The following FOXO3 variants were observed in gnomAD, a reference collection of about 807,000 sequenced individuals.
FOXO3 encodes forkhead box O3.
FOXO3 carries 4 observed loss-of-function variants against 41.9 expected under a neutral mutation model. That is an observed-to-expected ratio of 0.10 (90% CI 0.05 to 0.22). The LOEUF (loss-of-function observed/expected upper bound fraction) is 0.22. Ranked by LOEUF, FOXO3 falls within the 10% of genes least tolerant of loss-of-function variation. The probability of loss-of-function intolerance (pLI) is 1.00; values close to 1 mark genes in which losing one functional copy is unlikely to be tolerated. For synonymous variants in FOXO3, 318 were observed against 389.3 expected (o/e 0.82, Z 2.16); for missense variants, 534 against 906.8 (o/e 0.59, Z 5.28).
At chr6:108,660,809 A>G (rs942913070) in intron 1 of FOXO3, among the ~76,000 whole-genome samples, 73 of 152,278 alleles carry the variant, frequency 4.8e-4, no homozygotes, top group African/African-American at 1.7e-3. Context: ...GATCGAGACC[A>G]TCCTGGCTAA....
intron 1 of FOXO3, among the ~76,000 whole-genome samples, chr6:108,616,218 G>A (rs1295706654): frequency 7.3e-6 from 1 of 137,686 alleles, no homozygotes; most frequent in Admixed American, 8.0e-5. Context: ...AGGCTTGAGT[G>A]CAGTGGCGCA....
chr6:108,681,809 A>G lies in FOXO3; in HGVS notation c.*2017A>G, dbSNP rs1200679407. 1.3e-5 allele frequency: 2 copies of G among 152,192 alleles called. No individual in the cohort carries two copies. The highest frequency in any genetic ancestry group is 4.8e-5 in the African/African-American group (2 of 41,420). The allele number at this position is 152,192 out of a possible 1,614,324, so 9.4% of individuals were successfully genotyped here. A position where few individuals can be genotyped will look rare whatever the true frequency, so the allele number is the denominator to read the frequency against. ...TATGGTCTGCTTGTCAGTGAGCCAG[A>G]CTTGCTTACTATATTCCTTTATAAT... On this transcript the variant is annotated 3_prime_UTR_variant, in exon 3 of 3. Coordinates refer to ENST00000406360, the MANE Select transcript of FOXO3 (RefSeq NM_001455.4).
intron 2 of FOXO3, among the ~76,000 whole-genome samples, chr6:108,668,716 G>A (rs1562266467): frequency 6.6e-6 from 1 of 152,180 alleles, no homozygotes; most frequent in African/African-American, 2.4e-5. Flanking sequence ...ATGGAGAGGG[G>A]AGGGGTGGTT....
intron 1 of FOXO3, chr6:108,639,672 A>C: frequency 1.8e-6 from 1 of 552,264 alleles, no homozygotes; most frequent in Non-Finnish European, 2.3e-6. Flanking sequence ...AATAAATAAA[A>C]TCCAGATACT....
upstream of FOXO3, chr6:108,559,953 G>C (rs886544997): frequency 1.3e-5 from 2 of 150,280 alleles, no homozygotes; most frequent in Non-Finnish European, 1.5e-5. Flanking sequence ...CCTCCTCGCC[G>C]TGCCCCGGGC....
chr6:108,639,265 A>G (rs1400668910), intron 1 of FOXO3, among the ~76,000 whole-genome samples: 1 of 152,180 alleles, frequency 6.6e-6, no homozygotes, highest in Non-Finnish European at 1.5e-5. Flanking sequence ...TATGCAAAGC[A>G]TAATCTCTTT....
At chr6:108,611,696 CTTTT>C (rs780238724) in intron 1 of FOXO3, among the ~76,000 whole-genome samples, 1 of 125,442 alleles carries the variant, frequency 8.0e-6, no homozygotes, top group Admixed American at 7.8e-5. Context: ...AATCTTTTGC[CTTTT>C]TTTTTTTTTT....
intron 2 of FOXO3, among the ~76,000 whole-genome samples, chr6:108,672,211 G>C (rs1424966760): frequency 6.6e-6 from 1 of 152,240 alleles, no homozygotes. Flanking sequence ...TCTTGGAGCA[G>C]AAAGACTGGC....
intron 1 of FOXO3, among the ~76,000 whole-genome samples, chr6:108,633,119 A>G (rs1045796931): frequency 6.6e-6 from 1 of 152,216 alleles, no homozygotes; most frequent in Admixed American, 6.5e-5. Flanking sequence ...GTTGACTGGT[A>G]TATTTTAGCA....
chr6:108,614,738 G>GT lies in FOXO3; in HGVS notation c.622-48710dup, dbSNP rs569448123. On this transcript the variant is annotated intron_variant, in intron 1 of 2. Coordinates refer to ENST00000406360, the MANE Select transcript of FOXO3 (RefSeq NM_001455.4). ...TTTTTTTTTGTTTTTTATTTTTTGC[G>GT]TTTTTTTCAAAGACCATTTTGTTTA... Among the ~76,000 whole-genome samples, 12 of 150,570 alleles carry GT rather than the reference G, an allele frequency of 8.0e-5. No individual in the cohort carries two copies. The East Asian group carries it at 1.6e-3, about 20-fold the overall frequency.
rs1219384449 is a variant in FOXO3 at position 108,682,534 on chromosome 6, T to C, written c.*2742T>C. 1.3e-5 allele frequency: 2 copies of C among 152,370 alleles called. No homozygotes were observed. The highest frequency in any genetic ancestry group is 2.9e-5 in the Non-Finnish European group (2 of 68,174). 9.4% of individuals were successfully genotyped at this position (152,370 alleles called of 1,614,324 possible). On this transcript the variant is annotated 3_prime_UTR_variant, in exon 3 of 3. Transcript: ENST00000406360. ...AGAGGGTCAGCCGAGAATCTGGTAG[T>C]GAAGCCTGTCTAGGGTCCCGGCACC...
At chr6:108,632,042 G>A (rs1160860627) in intron 1 of FOXO3, among the ~76,000 whole-genome samples, 1 of 152,032 alleles carries the variant, frequency 6.6e-6, no homozygotes, top group Non-Finnish European at 1.5e-5. Flanking sequence ...TCCTGAAACT[G>A]GAAATTAACT....
At position 108,649,160 on chromosome 6, in the gene FOXO3, C is replaced by A. The variant is rs545891523; in HGVS notation, c.622-14295C>A. On this transcript the variant is annotated intron_variant, in intron 1 of 2. Coordinates refer to ENST00000406360, the MANE Select transcript of FOXO3 (RefSeq NM_001455.4). ...AGTAGTCTATTTTGCATTGGTTCTT[C>A]CTTGCCCCCGAATCCCACAGGGGTG... Among the ~76,000 whole-genome samples, 3 of 152,156 alleles carry A rather than the reference C, an allele frequency of 2.0e-5. No homozygotes were observed. In the East Asian group the frequency reaches 5.8e-4, roughly 30 times the overall value.
intron 1 of FOXO3, among the ~76,000 whole-genome samples, chr6:108,646,443 C>CT (rs1325385501): frequency 1.3e-5 from 2 of 152,194 alleles, no homozygotes; most frequent in African/African-American, 4.8e-5. Context: ...TTTGCACCCA[C>CT]TTTAACACTT....
intron 1 of FOXO3, chr6:108,639,645 T>TC: frequency 1.2e-6 from 1 of 804,082 alleles, no homozygotes; most frequent in Non-Finnish European, 1.5e-6. Context: ...AGCCCAAACC[T>TC]CCCCCTGCTG....
rs182178995 is a variant in FOXO3 at position 108,571,696 on chromosome 6, A to G, written c.621+9867A>G. On this transcript the variant is annotated intron_variant, in intron 1 of 2. Transcript: ENST00000406360. ...AAAGATCCTCCCCTAGAGCCTTCCC[A>G]GGGAGCATGGCTTTGCCAACGCCTT... 7.4e-3 allele frequency among the ~76,000 whole-genome samples: 1,121 copies of G among 152,306 alleles called. 18 individuals are homozygous for G. Among genetic ancestry groups the G allele is most frequent in the Non-Finnish European group, 8.0e-3 (542 of 68,012 alleles).
intron 1 of FOXO3, among the ~76,000 whole-genome samples, chr6:108,576,759 C>T (rs1329634821): frequency 6.6e-6 from 1 of 152,192 alleles, no homozygotes; most frequent in East Asian, 1.9e-4. Context: ...AGATGATTTT[C>T]ACCTGACATC....
rs993551649 is a variant in FOXO3 at position 108,680,254 on chromosome 6, G to A, written c.*462G>A. The A allele has an allele frequency of 3.9e-5, 6 of 152,490 alleles. No individual in the cohort carries two copies. Among genetic ancestry groups the A allele is most frequent in the African/African-American group, 1.2e-4 (5 of 41,380 alleles). The allele number at this position is 152,490 out of a possible 1,614,324, so 9.4% of individuals were successfully genotyped here. On this transcript the variant is annotated 3_prime_UTR_variant, in exon 3 of 3. Coordinates refer to ENST00000406360, the MANE Select transcript of FOXO3 (RefSeq NM_001455.4). Reference sequence around the variant, plus strand: ...GTATTTTTCTGTTAAAATGTTAACCGTCCTTCCCCTAGCAAATTTAAAAAC... The same window carrying A: ...GTATTTTTCTGTTAAAATGTTAACCATCCTTCCCCTAGCAAATTTAAAAAC...
At chr6:108,581,221 T>C (rs1442863876) in intron 1 of FOXO3, among the ~76,000 whole-genome samples, 1 of 152,096 alleles carries the variant, frequency 6.6e-6, no homozygotes, top group East Asian at 1.9e-4. Context: ...TTGTATATGG[T>C]GGTTTAAGAA....
Sources: gnomAD v4.1 joint callset for allele counts (sites outside exome capture counted in the v4.1 genomes callset) on GRCh38, gnomAD v4.1.1 for gene constraint, MANE v1.5 for transcripts, NCBI Gene and HGNC (gene_info 2026-07-23, HGNC 2026-07-21) for gene names.